SVIL: variants seen among roughly 807,000 people sequenced by gnomAD.
SVIL encodes the protein archvillin.
In SVIL, 101 loss-of-function variants were observed where a neutral mutation model predicts 240.4. The observed-to-expected ratio is 0.42, with a 90% CI of 0.36 to 0.50. The LOEUF is 0.50. Among genes scored for constraint, SVIL ranks in the 20% least tolerant of loss-of-function variants. The pLI is 0.01. For missense variants in SVIL, 2,512 were observed against 2,818.7 expected (o/e 0.89, Z 2.46); for synonymous variants, 999 against 1,100.0 (o/e 0.91, Z 1.82).
At chr10:29,691,533 G>T (rs974657703) in intron 1 of SVIL, among the ~76,000 whole-genome samples, 29 of 152,266 alleles carry the variant, frequency 1.9e-4, no homozygotes, top group Non-Finnish European at 3.5e-4. Flanking sequence ...AATTTTTAAA[G>T]ATTCTTTTCT....
chr10:29,621,690 C>T (rs958350604), intron 1 of SVIL, among the ~76,000 whole-genome samples: 6 of 152,228 alleles, frequency 3.9e-5, no homozygotes, highest in Non-Finnish European at 7.3e-5. Context: ...AGGAGGTCCA[C>T]GACCTGGGGG....
At chr10:29,699,400 T>C (rs931844029) in intron 1 of SVIL, among the ~76,000 whole-genome samples, 1 of 152,094 alleles carries the variant, frequency 6.6e-6, no homozygotes, top group Non-Finnish European at 1.5e-5. Context: ...CTCCCTGGGT[T>C]CAAGCAATTC....
intron 3 of SVIL, among the ~76,000 whole-genome samples, chr10:29,654,071 T>TA (rs994485150): frequency 6.6e-6 from 1 of 152,134 alleles, no homozygotes; most frequent in Non-Finnish European, 1.5e-5. Context: ...ACTTGTCAAT[T>TA]AAAAAAATTC....
intron 5 of SVIL, among the ~76,000 whole-genome samples, chr10:29,552,661 C>A (rs2132653537): frequency 6.6e-6 from 1 of 151,876 alleles, no homozygotes; most frequent in South Asian, 2.1e-4. Context: ...CCATTATTAC[C>A]TTAACCCTTC....
intron 1 of SVIL, among the ~76,000 whole-genome samples, chr10:29,598,733 G>A (rs1282268481): frequency 6.6e-6 from 1 of 152,212 alleles, no homozygotes. Flanking sequence ...CTGGAAATGG[G>A]CATCAAAGGG....
At chr10:29,694,271 G>A (rs1564769521) in intron 1 of SVIL, among the ~76,000 whole-genome samples, 2 of 150,526 alleles carry the variant, frequency 1.3e-5, no homozygotes, top group Non-Finnish European at 2.9e-5. Context: ...AAATTAGCCA[G>A]GCATGGTAGC....
At chr10:29,647,971 C>CA (rs3030628) in intron 3 of SVIL, among the ~76,000 whole-genome samples, 17,037 of 95,996 alleles carry the variant, frequency 0.18, 1,164 homozygotes, top group African/African-American at 0.22. Flanking sequence ...TTGTCAATAT[C>CA]AAAAAAAAAA....
chr10:29,716,151 T>G (rs1241699042), intron 1 of SVIL, among the ~76,000 whole-genome samples: 4 of 152,230 alleles, frequency 2.6e-5, no homozygotes, highest in African/African-American at 9.6e-5. Flanking sequence ...TTAAATGTTT[T>G]TTTCTAAACA....
intron 1 of SVIL, among the ~76,000 whole-genome samples, chr10:29,577,734 CT>C (rs1955766648): frequency 6.6e-6 from 1 of 152,138 alleles, no homozygotes; most frequent in African/African-American, 2.4e-5. Flanking sequence ...GGTAGTTCTA[CT>C]TTTGGTTCCT....
intron 1 of SVIL, among the ~76,000 whole-genome samples, chr10:29,591,563 C>T (rs1956390806): frequency 6.6e-6 from 1 of 152,186 alleles, no homozygotes; most frequent in African/African-American, 2.4e-5. Context: ...ATAAGCATTG[C>T]TACTGTGCGA....
chr10:29,563,368 A>T (rs1332315919), intron 2 of SVIL, 76 bp from the exon 3 acceptor site: 1 of 576,256 alleles, frequency 1.7e-6, no homozygotes, highest in African/African-American at 2.0e-5. Flanking sequence ...GAACACAAAA[A>T]TTATGATATT....
intron 3 of SVIL, among the ~76,000 whole-genome samples, chr10:29,649,895 C>A (rs185131745): frequency 9.6e-4 from 146 of 152,300 alleles, no homozygotes; most frequent in African/African-American, 3.3e-3. Context: ...GGATTAATAT[C>A]ATTATCACAG....
At chr10:29,580,597 T>C (rs182688768) in intron 1 of SVIL, among the ~76,000 whole-genome samples, 6 of 152,318 alleles carry the variant, frequency 3.9e-5, no homozygotes, top group Admixed American at 3.9e-4. Flanking sequence ...TCAGTGAACA[T>C]CAATGAAAGC....
At chr10:29,497,938 T>C (rs7910005) in intron 18 of SVIL, among the ~76,000 whole-genome samples, 7,126 of 150,130 alleles carry the variant, frequency 0.047, 459 homozygotes, top group African/African-American at 0.15. Flanking sequence ...AAAAATTAGC[T>C]GGGCATGGTG....
chr10:29,634,264 A>C (rs1958223358), intron 1 of SVIL, among the ~76,000 whole-genome samples, 156 bp downstream of exon 1: 1 of 152,060 alleles, frequency 6.6e-6, no homozygotes, highest in Non-Finnish European at 1.5e-5. Flanking sequence ...GAATGGCTGC[A>C]GTAACTGGCA....
chr10:29,707,866 A>G (rs1479613807), intron 1 of SVIL, among the ~76,000 whole-genome samples: 1 of 152,178 alleles, frequency 6.6e-6, no homozygotes, highest in African/African-American at 2.4e-5. Context: ...AAATGAGAAA[A>G]TGAAGGCTTA....
At chr10:29,693,205 C>T (rs1488963058) in intron 1 of SVIL, among the ~76,000 whole-genome samples, 3 of 151,914 alleles carry the variant, frequency 2.0e-5, no homozygotes, top group Non-Finnish European at 2.9e-5. Flanking sequence ...AACCAACTTG[C>T]CCAGGTGTTA....
intron 1 of SVIL, among the ~76,000 whole-genome samples, chr10:29,593,157 A>G (rs930367464): frequency 1.5e-5 from 2 of 137,060 alleles, no homozygotes; most frequent in Non-Finnish European, 3.1e-5. Context: ...ATACTTGTTG[A>G]AAAAAAAAGA....
At chr10:29,510,373 C>T (rs1444842713) in intron 17 of SVIL, among the ~76,000 whole-genome samples, 1 of 152,026 alleles carries the variant, frequency 6.6e-6, no homozygotes, top group Non-Finnish European at 1.5e-5. Flanking sequence ...CTGTGTGGCA[C>T]ACATTCTATT....
Sources: gnomAD v4.1 joint callset for allele counts (sites outside exome capture counted in the v4.1 genomes callset) on GRCh38, gnomAD v4.1.1 for gene constraint, MANE v1.5 for transcripts, NCBI Gene and HGNC (gene_info 2026-07-23, HGNC 2026-07-21) for gene names.